The following NIPAL2 variants were observed in gnomAD, a reference collection of about 807,000 sequenced individuals.
NIPAL2 encodes the protein NIPA-like protein 2.
In NIPAL2, 43 loss-of-function variants were observed where a neutral mutation model predicts 48.9. The observed-to-expected ratio is 0.88, with a 90% CI of 0.69 to 1.13. NIPAL2 has a LOEUF of 1.13. Among genes scored for constraint, NIPAL2 ranks in the 50% most tolerant of loss-of-function variants. The pLI, the probability that NIPAL2 is intolerant of heterozygous loss-of-function variation, is 0.00. For synonymous variants in NIPAL2, 167 were observed against 174.6 expected (o/e 0.96, Z 0.34); for missense variants, 446 against 461.4 (o/e 0.97, Z 0.31).
At chr8:98,283,294 T>A (rs893938672) in intron 1 of NIPAL2, among the ~76,000 whole-genome samples, 11 of 152,140 alleles carry the variant, frequency 7.2e-5, no homozygotes, top group Non-Finnish European at 1.0e-4. Flanking sequence ...CAGAGCAAAT[T>A]TATGGAAAAA....
At chr8:98,259,468 C>G (rs1460072489) in intron 1 of NIPAL2, among the ~76,000 whole-genome samples, 1 of 152,118 alleles carries the variant, frequency 6.6e-6, no homozygotes, top group East Asian at 1.9e-4. Context: ...CTTAATGTAT[C>G]AGACAAGTTA....
At chr8:98,281,455 T>A (rs1815826168) in intron 1 of NIPAL2, among the ~76,000 whole-genome samples, 1 of 152,112 alleles carries the variant, frequency 6.6e-6, no homozygotes, top group South Asian at 2.1e-4. Context: ...CAGCCAATAA[T>A]AACTTAAATG....
rs1563799973 is a variant in NIPAL2, at chr8:98,191,485, G to A, written c.*1493C>T. ...TTCAAATCTCTTTCCTTTGCAGCCA[G>A]GTTTGGTCAGTCTGGCCAGGAGTGC... On this transcript the variant is annotated 3_prime_UTR_variant, in exon 11 of 11. Coordinates refer to ENST00000430223, the MANE Select transcript of NIPAL2 (RefSeq NM_001321635.2). The A allele has an allele frequency of 6.6e-6, 1 of 150,724 alleles. No homozygotes were observed. Among genetic ancestry groups the A allele is most frequent in the Admixed American group, 6.7e-5 (1 of 15,000 alleles). The allele number at this position is 150,724 out of a possible 1,614,324, so 9.3% of individuals were successfully genotyped here.
At chr8:98,270,656 A>G (rs1277303826) in intron 1 of NIPAL2, among the ~76,000 whole-genome samples, 1 of 151,934 alleles carries the variant, frequency 6.6e-6, no homozygotes, top group African/African-American at 2.4e-5. Context: ...TAGGTTTTTT[A>G]TTCTGTTGAT....
In NIPAL2 at chr8:98,256,469, T is replaced by G. The variant is rs74828286; in HGVS notation, c.136-2382A>C. Among the ~76,000 whole-genome samples the G allele has an allele frequency of 3.2e-3, 489 of 152,220 alleles. 1 individual carries two copies. The highest frequency in any genetic ancestry group is 0.011 in the African/African-American group (456 of 41,544). On this transcript the variant is annotated intron_variant, in intron 1 of 10. Transcript: ENST00000430223. ...CTACAATTCAACAACAAAAACATCC[T>G]GATTAAAAAATGGGCAAAGGACTTG...
intron 1 of NIPAL2, among the ~76,000 whole-genome samples, chr8:98,269,808 A>T (rs1815015659): frequency 6.6e-6 from 1 of 152,032 alleles, no homozygotes; most frequent in Non-Finnish European, 1.5e-5. Context: ...TGAATATAGT[A>T]CTCAATAGGC....
chr8:98,281,294 A>AC (rs1187079244), intron 1 of NIPAL2, among the ~76,000 whole-genome samples: 1 of 151,844 alleles, frequency 6.6e-6, no homozygotes, highest in African/African-American at 2.4e-5. Context: ...GATGCAAAGT[A>AC]CCCCCAAGAA....
rs371936351 is a variant in NIPAL2 at position 98,224,755 on chromosome 8, CTTTTTTTTTTT to C, written c.437-2166_437-2156del. Reference sequence around the variant, plus strand: ...CAGTTATACTTTCTTTCTTTCTTTTCTTTTTTTTTTTTTTTTTTGTTGAAACAGAGTCTTGC... The same window carrying C: ...CAGTTATACTTTCTTTCTTTCTTTTCTTTTTTTGTTGAAACAGAGTCTTGC... On this transcript the variant is annotated intron_variant, in intron 4 of 10. Coordinates refer to ENST00000430223, the MANE Select transcript of NIPAL2 (RefSeq NM_001321635.2). Among the ~76,000 whole-genome samples the C allele has an allele frequency of 3.2e-5, 4 of 123,768 alleles. No individual in the cohort carries two copies. The Admixed American group carries it at 3.8e-4, about 12-fold the overall frequency. 81.2% of individuals were successfully genotyped at this position (123,768 alleles called of 152,430 possible).
intron 3 of NIPAL2, among the ~76,000 whole-genome samples, chr8:98,240,741 T>C (rs916361269): frequency 1.3e-5 from 2 of 152,226 alleles, no homozygotes; most frequent in African/African-American, 4.8e-5. Flanking sequence ...CCAAAAAGAC[T>C]TCCCTACTGT....
At chr8:98,233,844 T>A (rs2130784878) in intron 4 of NIPAL2, among the ~76,000 whole-genome samples, 1 of 152,362 alleles carries the variant, frequency 6.6e-6, no homozygotes, top group South Asian at 2.1e-4. Flanking sequence ...CCTTTTTGTA[T>A]CTTTGTTAAC....
chr8:98,197,278 G>A (rs1235456127), intron 8 of NIPAL2, among the ~76,000 whole-genome samples: 1 of 152,054 alleles, frequency 6.6e-6, no homozygotes, highest in Non-Finnish European at 1.5e-5. Flanking sequence ...TTTATCAAAT[G>A]TGCAATAGCA....
At chr8:98,289,510 C>T (rs1240696214) in intron 1 of NIPAL2, among the ~76,000 whole-genome samples, 2 of 146,720 alleles carry the variant, frequency 1.4e-5, no homozygotes, top group Non-Finnish European at 3.0e-5. Context: ...CTTCCTTCTT[C>T]TTGCTTTTTT....
At chr8:98,282,074 A>G (rs1463300315) in intron 1 of NIPAL2, among the ~76,000 whole-genome samples, 3 of 152,186 alleles carry the variant, frequency 2.0e-5, no homozygotes, top group Non-Finnish European at 4.4e-5. Context: ...CTAGATGCAG[A>G]TATCTTTTGC....
chr8:98,264,922 C>T (rs1226024373), intron 1 of NIPAL2, among the ~76,000 whole-genome samples: 1 of 150,326 alleles, frequency 6.7e-6, no homozygotes, highest in African/African-American at 2.4e-5. Context: ...GGTACTGGTA[C>T]CAAAACAGAG....
Position 98,288,363 on chromosome 8 carries a change from C to T in NIPAL2, c.135+5640G>A, listed in dbSNP as rs544129741. Among the ~76,000 whole-genome samples the T allele has an allele frequency of 3.6e-3, 547 of 150,710 alleles. 1 individual carries two copies. The highest frequency in any genetic ancestry group is 0.01 in the Middle Eastern group (3 of 294). On this transcript the variant is annotated intron_variant, in intron 1 of 10. Transcript: ENST00000430223. ...ATTTCATCCATGTCCCTACAAAGGA[C>T]ATGAACTCATCATTTTTTATGGCTG...
chr8:98,284,897 T>A (rs1816069346), intron 1 of NIPAL2, among the ~76,000 whole-genome samples: 1 of 152,060 alleles, frequency 6.6e-6, no homozygotes, highest in African/African-American at 2.4e-5. Context: ...AGAAGCAAGA[T>A]AGAGACCAAG....
At chr8:98,255,169 C>A (rs188249212) in intron 1 of NIPAL2, among the ~76,000 whole-genome samples, 9 of 152,008 alleles carry the variant, frequency 5.9e-5, no homozygotes, top group Admixed American at 4.6e-4. Context: ...AACACAAGAA[C>A]TATAGATGTT....
intron 4 of NIPAL2, among the ~76,000 whole-genome samples, chr8:98,227,602 C>T (rs1812238114): frequency 1.3e-5 from 2 of 152,210 alleles, no homozygotes; most frequent in Non-Finnish European, 2.9e-5. Flanking sequence ...ATGCCCTATC[C>T]TATTGTGGCT....
intron 5 of NIPAL2, among the ~76,000 whole-genome samples, chr8:98,220,223 G>A (rs796410643): frequency 2.0e-5 from 3 of 152,088 alleles, no homozygotes; most frequent in South Asian, 4.2e-4. Flanking sequence ...GAACTGCTTC[G>A]GTCCTGTACT....
Sources: gnomAD v4.1 joint callset for allele counts (sites outside exome capture counted in the v4.1 genomes callset) on GRCh38, gnomAD v4.1.1 for gene constraint, MANE v1.5 for transcripts, NCBI Gene and HGNC (gene_info 2026-07-23, HGNC 2026-07-21) for gene names.